The following MAPK8 variants were observed in gnomAD, a reference collection of about 807,000 sequenced individuals.
MAPK8 encodes the protein JUN N-terminal kinase.
Under a neutral mutation model 52.9 loss-of-function variants are expected in MAPK8, and 13 were observed. The ratio of observed to expected loss-of-function variants is 0.25; its 90% CI spans 0.16 to 0.39. The LOEUF is 0.39. MAPK8 is among the 10% of genes least tolerant of loss of function. MAPK8 has a pLI of 1.00. For missense variants in MAPK8, 300 were observed against 519.2 expected (o/e 0.58, Z 4.10); for synonymous variants, 191 against 169.8 (o/e 1.12, Z -0.97).
chr10:48,321,052 A>T (rs1842944400), intron 1 of MAPK8, among the ~76,000 whole-genome samples: 2 of 151,820 alleles, frequency 1.3e-5, no homozygotes, highest in Non-Finnish European at 2.9e-5. Flanking sequence ...GCCTATTTTA[A>T]AAATTGAGTT....
In MAPK8 at chr10:48,436,589, A is replaced by G. The variant is rs1052802117; in HGVS notation, c.*1560A>G. ...GAATTTGTGACCAACAGGAGCAAGA[A>G]CAGGTGCGGCTCAACATGCAATGTC... is the stretch of plus-strand genomic sequence containing the variant. On this transcript the variant is annotated 3_prime_UTR_variant, in exon 12 of 12. Transcript: ENST00000374189. The G allele has an allele frequency of 2.6e-5, 4 of 152,238 alleles. No homozygotes were observed. The highest frequency in any genetic ancestry group is 6.5e-5 in the Admixed American group (1 of 15,284). The allele number at this position is 152,238 out of a possible 1,614,324, so 9.4% of individuals were successfully genotyped here.
At chr10:48,379,797 T>C (rs371410696) in intron 1 of MAPK8, among the ~76,000 whole-genome samples, 4 of 152,180 alleles carry the variant, frequency 2.6e-5, no homozygotes, top group East Asian at 3.8e-4. Context: ...AATTTTTACC[T>C]AGTCCAATGG....
At chr10:48,400,693 A>C (rs2042114920) in intron 1 of MAPK8, among the ~76,000 whole-genome samples, 1 of 152,066 alleles carries the variant, frequency 6.6e-6, no homozygotes. Context: ...TTATCTTAAA[A>C]CCACAAAAAA....
At chr10:48,333,841 G>A (rs1177914803) in intron 1 of MAPK8, among the ~76,000 whole-genome samples, 1 of 143,878 alleles carries the variant, frequency 7.0e-6, no homozygotes, top group African/African-American at 2.6e-5. Context: ...CAGTATCTGT[G>A]GCCTCCCTAC....
chr10:48,314,882 T>C (rs1842347666), intron 1 of MAPK8, among the ~76,000 whole-genome samples: 1 of 152,242 alleles, frequency 6.6e-6, no homozygotes, highest in African/African-American at 2.4e-5. Flanking sequence ...CTATTATGTA[T>C]GGTTCCAACT....
intron 10 of MAPK8, among the ~76,000 whole-genome samples, chr10:48,429,409 TC>T (rs1395128100): frequency 6.6e-6 from 1 of 152,252 alleles, no homozygotes; most frequent in Non-Finnish European, 1.5e-5. Context: ...TATCCTTTAC[TC>T]CTAGCCCCAG....
intron 3 of MAPK8, among the ~76,000 whole-genome samples, chr10:48,407,718 A>G (rs7904142): frequency 0.46 from 69,844 of 151,844 alleles, 16,259 homozygotes; most frequent in South Asian, 0.57. Context: ...TTCTAGAATA[A>G]TTTTATCACC....
chr10:48,389,321 G>A (rs1376293749), intron 1 of MAPK8, among the ~76,000 whole-genome samples: 1 of 152,130 alleles, frequency 6.6e-6, no homozygotes, highest in African/African-American at 2.4e-5. Flanking sequence ...TATTCTGAAA[G>A]TAGTGAGACT....
In MAPK8 at chr10:48,437,220, C is replaced by T. The variant is rs1252714838; in HGVS notation, c.*2191C>T. The T allele has an allele frequency of 3.3e-5, 5 of 152,156 alleles. No individual in the cohort carries two copies. The highest frequency in any genetic ancestry group is 7.4e-5 in the Non-Finnish European group (5 of 68,014). The allele number at this position is 152,156 out of a possible 1,614,324, so 9.4% of individuals were successfully genotyped here. On this transcript the variant is annotated 3_prime_UTR_variant, in exon 12 of 12. Coordinates refer to ENST00000374189, the MANE Select transcript of MAPK8 (RefSeq NM_001323329.2). ...TACTTAACAAATTATATCCTAAAAA[C>T]AAGGTCTCTTTGTTAAATGTTGCAT... is the stretch of plus-strand genomic sequence containing the variant.
chr10:48,341,880 G>A (rs1006860225), intron 1 of MAPK8, among the ~76,000 whole-genome samples: 5 of 152,204 alleles, frequency 3.3e-5, no homozygotes, highest in African/African-American at 1.2e-4. Context: ...ATAGTAAGGA[G>A]AAGGAAGTAA....
chr10:48,438,078 C>T lies in MAPK8; in HGVS notation c.*3049C>T, dbSNP rs571213818. 3 of 152,338 alleles carry T rather than the reference C, an allele frequency of 2.0e-5. No individual in the cohort carries two copies. The highest frequency in any genetic ancestry group is 7.2e-5 in the African/African-American group (3 of 41,570). The allele number at this position is 152,338 out of a possible 1,614,324, so 9.4% of individuals were successfully genotyped here. On this transcript the variant is annotated 3_prime_UTR_variant, in exon 12 of 12. Coordinates refer to ENST00000374189, the MANE Select transcript of MAPK8 (RefSeq NM_001323329.2). ...GTTGCCTAGGCATTCGCCTGCACAA[C>T]ATTTTGAGGTTAGAACATAGAATAT... is the stretch of plus-strand genomic sequence containing the variant.
chr10:48,389,881 C>A (rs572904610), intron 1 of MAPK8, among the ~76,000 whole-genome samples: 3 of 152,186 alleles, frequency 2.0e-5, no homozygotes, highest in South Asian at 4.2e-4. Flanking sequence ...ATAGGCTAGT[C>A]AAGTAAGGCA....
chr10:48,438,587 T>G lies in MAPK8; in HGVS notation c.*3558T>G, dbSNP rs1163332046. ...TGGATTAATTTTGCACAATGTTCTA[T>G]TCTCATAATGACTTACAAATTAAAC... On this transcript the variant is annotated 3_prime_UTR_variant, in exon 12 of 12. Transcript: ENST00000374189. The G allele has an allele frequency of 6.6e-6, 1 of 152,238 alleles. No individual in the cohort carries two copies. The highest frequency in any genetic ancestry group is 1.5e-5 in the Non-Finnish European group (1 of 68,038). 9.4% of individuals were successfully genotyped at this position (152,238 alleles called of 1,614,324 possible).
At chr10:48,328,291 A>G (rs1377065770) in intron 1 of MAPK8, among the ~76,000 whole-genome samples, 2 of 149,100 alleles carry the variant, frequency 1.3e-5, no homozygotes, top group African/African-American at 4.9e-5. Flanking sequence ...TATATTTTCA[A>G]TGAGCCAGCT....
chr10:48,309,444 C>T (rs1841756287), intron 1 of MAPK8, among the ~76,000 whole-genome samples: 1 of 152,158 alleles, frequency 6.6e-6, no homozygotes, highest in Admixed American at 6.5e-5. Context: ...AATGTCCTGT[C>T]CTGGCAGAAT....
chr10:48,398,917 G>T (rs1299987987), intron 1 of MAPK8, among the ~76,000 whole-genome samples: 2 of 152,174 alleles, frequency 1.3e-5, no homozygotes, highest in African/African-American at 2.4e-5. Context: ...TTTATATCAT[G>T]ATTTTCCTGA....
rs2042221155 is a variant in MAPK8, at chr10:48,402,696, A to C, written c.122+914A>C. Among the ~76,000 whole-genome samples the C allele has an allele frequency of 2.0e-5, 3 of 152,354 alleles. No individual in the cohort carries two copies. The South Asian group carries it at 6.2e-4, about 32-fold the overall frequency. On this transcript the variant is annotated intron_variant, in intron 2 of 11. Coordinates refer to ENST00000374189, the MANE Select transcript of MAPK8 (RefSeq NM_001323329.2). ...CAAATTTCAGAATCTATTCTAAACA[A>C]AATGTAAACTGTTAAGTATTTATAA...
intron 2 of MAPK8, among the ~76,000 whole-genome samples, chr10:48,403,916 T>TG (rs1237323217): frequency 2.3e-5 from 3 of 128,274 alleles, no homozygotes; most frequent in South Asian, 2.7e-4. Flanking sequence ...GCCCGGCTAA[T>TG]TTGTGTGTGT....
At chr10:48,316,505 A>G (rs1842517517) in intron 1 of MAPK8, among the ~76,000 whole-genome samples, 1 of 152,238 alleles carries the variant, frequency 6.6e-6, no homozygotes, top group Non-Finnish European at 1.5e-5. Flanking sequence ...CTTAGCACCC[A>G]GAGGCAGCTC....
Sources: allele counts gnomAD v4.1 joint callset (sites outside exome capture counted in the v4.1 genomes callset), GRCh38; gene constraint gnomAD v4.1.1; transcripts MANE v1.5; gene names NCBI Gene and HGNC (gene_info 2026-07-23, HGNC 2026-07-21).